The following TINAG variants were observed in gnomAD, a reference collection of about 807,000 sequenced individuals.
The protein encoded by TINAG is tubulointerstitial nephritis antigen.
Under a neutral mutation model 72.7 loss-of-function variants are expected in TINAG, and 83 were observed. That is an observed-to-expected ratio of 1.14 (90% confidence interval 0.96 to 1.37). TINAG has a LOEUF of 1.37. Among genes scored for constraint, TINAG ranks in the 40% most tolerant of loss-of-function variants. The pLI, the probability that TINAG is intolerant of heterozygous loss-of-function variation, is 0.00. For missense variants in TINAG, 685 were observed against 576.6 expected (o/e 1.19, Z -1.93); for synonymous variants, 234 against 189.9 (o/e 1.23, Z -1.91).
rs1350331228 is a variant in TINAG, at chr6:54,383,865, A to T, written c.1296+3294A>T. Among the ~76,000 whole-genome samples the T allele has an allele frequency of 3.3e-5, 5 of 152,150 alleles. No individual in the cohort carries two copies. The East Asian group carries it at 9.6e-4, about 29-fold the overall frequency. On this transcript the variant is annotated intron_variant, in intron 10 of 10. Coordinates refer to ENST00000259782, the MANE Select transcript of TINAG (RefSeq NM_014464.4). ...ATCTCATTACTGGGTATATACCCAA[A>T]AGATTATAAATCATTCCATTATAAA... is the stretch of plus-strand genomic sequence containing the variant.
At chr6:54,343,457 A>G in intron 5 of TINAG, 108 bp downstream of exon 5, 5 of 1,063,956 alleles carry the variant, frequency 4.7e-6, no homozygotes, top group Non-Finnish European at 4.9e-6. Context: ...ATATTAGCAT[A>G]TGATCAAATA....
At chr6:54,383,489 A>T (rs544790029) in intron 10 of TINAG, among the ~76,000 whole-genome samples, 7 of 152,208 alleles carry the variant, frequency 4.6e-5, no homozygotes, top group East Asian at 3.9e-4. Flanking sequence ...TTGTGTTTTT[A>T]AAAAAATGAG....
intron 9 of TINAG, among the ~76,000 whole-genome samples, chr6:54,373,752 C>A (rs936078751): frequency 1.3e-5 from 2 of 152,026 alleles, no homozygotes; most frequent in Non-Finnish European, 2.9e-5. Context: ...TAAACCATAG[C>A]TGGCCAACCC....
rs1283101816 is a variant in TINAG, at chr6:54,365,103, G to A, written c.1250+10467G>A. Among the ~76,000 whole-genome samples the A allele has an allele frequency of 1.1e-4, 16 of 151,508 alleles. No individual in the cohort carries two copies. In the Admixed American group the frequency reaches 1.1e-3, roughly 10 times the overall value. On this transcript the variant is annotated intron_variant, in intron 9 of 10. Coordinates refer to ENST00000259782, the MANE Select transcript of TINAG (RefSeq NM_014464.4). ...GCAAATTGATCAATTCAGAGCAGAT[G>A]TTTTAATTAGAGGTTCTTAATGCAT...
intron 9 of TINAG, among the ~76,000 whole-genome samples, chr6:54,366,089 T>C (rs1303814605): frequency 6.6e-6 from 1 of 151,654 alleles, no homozygotes; most frequent in Non-Finnish European, 1.5e-5. Flanking sequence ...AGTAGAACTC[T>C]CACGAAATAC....
At chr6:54,375,861 C>G (rs1206707265) in intron 9 of TINAG, among the ~76,000 whole-genome samples, 1 of 152,174 alleles carries the variant, frequency 6.6e-6, no homozygotes, top group Non-Finnish European at 1.5e-5. Flanking sequence ...CCAGAGCTGT[C>G]TTTCTAAAAG....
intron 4 of TINAG, among the ~76,000 whole-genome samples, chr6:54,340,048 G>C (rs557991710): frequency 2.8e-4 from 43 of 152,216 alleles, no homozygotes; most frequent in African/African-American, 1.0e-3. Flanking sequence ...CACTCTTTTA[G>C]AGATTTTAAT....
At position 54,351,377 on chromosome 6, in the gene TINAG, T is replaced by C. The variant is rs528892990; in HGVS notation, c.1106T>C (p.Met369Thr). The C allele has an allele frequency of 2.0e-4, 318 of 1,610,352 alleles. 3 individuals are homozygous for C. The East Asian group carries it at 7.1e-3, about 36-fold the overall frequency. Reference protein sequence around the residue: ...SNETEIMKEIMQNGPVQAIMQ... With the variant: ...SNETEIMKEITQNGPVQAIMQ... ...GAAACTGAGATAATGAAAGAAATCA[T>C]GCAAAATGGACCAGTTCAAGGTAAG... The change falls in exon 8 of 11, where the codon ATG (methionine) becomes ACG (threonine). Residue 369 changes from methionine (M) to threonine (T), a missense_variant. Met to Thr is a moderately conservative substitution (Grantham distance 81). Coordinates refer to ENST00000259782, the MANE Select transcript of TINAG (RefSeq NM_014464.4).
chr6:54,358,153 C>T (rs1173275968), intron 9 of TINAG, among the ~76,000 whole-genome samples: 2 of 151,828 alleles, frequency 1.3e-5, no homozygotes, highest in African/African-American at 2.4e-5. Flanking sequence ...AGTCTCTGGT[C>T]AGGTCTCACC....
chr6:54,337,076 T>G (rs1308552469), intron 4 of TINAG, among the ~76,000 whole-genome samples: 1 of 152,004 alleles, frequency 6.6e-6, no homozygotes, highest in Non-Finnish European at 1.5e-5. Context: ...AAAATTTTTT[T>G]AATCATCTGG....
At position 54,317,728 on chromosome 6, in the gene TINAG, A is replaced by C. The variant is rs147139598; in HGVS notation, c.356-2851A>C. Among the ~76,000 whole-genome samples the C allele has an allele frequency of 1.8e-3, 271 of 152,140 alleles. 2 individuals are homozygous for C. The highest frequency in any genetic ancestry group is 6.2e-3 in the African/African-American group (256 of 41,520). On this transcript the variant is annotated intron_variant, in intron 1 of 10. Coordinates refer to ENST00000259782, the MANE Select transcript of TINAG (RefSeq NM_014464.4). ...TTTATAAAATCTCTCCCTTAACTTC[A>C]TGTCTTTAACCAGCTACCATCTCAT...
At chr6:54,360,920 T>A (rs1211776294) in intron 9 of TINAG, among the ~76,000 whole-genome samples, 1 of 140,672 alleles carries the variant, frequency 7.1e-6, no homozygotes, top group Non-Finnish European at 1.5e-5. Flanking sequence ...TCTGAAGGTA[T>A]CATCTTTTTC....
Position 54,353,629 on chromosome 6 carries a change from A to G in TINAG, c.1127-884A>G, listed in dbSNP as rs950532674. Among the ~76,000 whole-genome samples, 6 of 151,994 alleles carry G rather than the reference A, an allele frequency of 3.9e-5. 1 individual carries two copies. The South Asian group carries it at 6.2e-4, about 16-fold the overall frequency. On this transcript the variant is annotated intron_variant, in intron 8 of 10. Transcript: ENST00000259782. The stretch of plus-strand genomic sequence containing the variant: ...CTATTTGCACAGCATCAGAAAAGGC[A>G]TGGAACATTAAAAAATGAAACAAAA...
At chr6:54,328,423 C>A (rs964178241) in intron 4 of TINAG, among the ~76,000 whole-genome samples, 1 of 152,012 alleles carries the variant, frequency 6.6e-6, no homozygotes, top group Non-Finnish European at 1.5e-5. Context: ...GCAATAGCAT[C>A]AACATCAAAA....
At chr6:54,385,561 T>G (rs1484348613) in intron 10 of TINAG, among the ~76,000 whole-genome samples, 1 of 151,980 alleles carries the variant, frequency 6.6e-6, no homozygotes, top group African/African-American at 2.4e-5. Flanking sequence ...TTTCCAAACA[T>G]TTAAGGAATA....
intron 8 of TINAG, among the ~76,000 whole-genome samples, chr6:54,354,275 T>A (rs1189112922): frequency 6.6e-6 from 1 of 151,884 alleles, no homozygotes. Flanking sequence ...GACTAGATGG[T>A]GTTTTAAAAG....
In TINAG at chr6:54,334,947, G is replaced by GT. The variant is rs908572868; in HGVS notation, c.624+8041dup. ...TAACTGTATGATCAACAGAAAAAGA[G>GT]TTTTTTTTTTCTGTTTTATTTCTCA... On this transcript the variant is annotated intron_variant, in intron 4 of 10. Transcript: ENST00000259782. Among the ~76,000 whole-genome samples, 380 of 149,768 alleles carry GT rather than the reference G, an allele frequency of 2.5e-3. 3 individuals are homozygous for GT. The highest frequency in any genetic ancestry group is 6.7e-3 in the African/African-American group (272 of 40,848).
At chr6:54,377,988 A>C (rs1763830820) in intron 9 of TINAG, among the ~76,000 whole-genome samples, 1 of 152,046 alleles carries the variant, frequency 6.6e-6, no homozygotes, top group African/African-American at 2.4e-5. Context: ...ACAACATCCC[A>C]TTGCAACTCT....
rs555031676 is a variant in TINAG, at chr6:54,362,776, A to G, written c.1250+8140A>G. Among the ~76,000 whole-genome samples the G allele has an allele frequency of 2.0e-5, 3 of 151,632 alleles. No individual in the cohort carries two copies. The East Asian group carries it at 5.8e-4, about 30-fold the overall frequency. ...ATGCCATTAAGAACACTTGTGATTC[A>G]TAGAAGTTCGACATATCAACATTCA... On this transcript the variant is annotated intron_variant, in intron 9 of 10. Coordinates refer to ENST00000259782, the MANE Select transcript of TINAG (RefSeq NM_014464.4).
Sources: gnomAD v4.1 joint callset for allele counts (sites outside exome capture counted in the v4.1 genomes callset) on GRCh38, gnomAD v4.1.1 for gene constraint, MANE v1.5 for transcripts, NCBI Gene and HGNC (gene_info 2026-07-23, HGNC 2026-07-21) for gene names.